Variants in ZC3H12B observed in about 807,000 individuals in gnomAD.
ZC3H12B encodes probable ribonuclease ZC3H12B.
Under a neutral mutation model 43.9 loss-of-function variants are expected in ZC3H12B, and 7 were observed. That is an observed-to-expected ratio of 0.16 (90% CI 0.09 to 0.30). The LOEUF (loss-of-function observed/expected upper bound fraction) is 0.30, where lower values mean the gene tolerates loss of function less well. Ranked by LOEUF, ZC3H12B falls within the 10% of genes least tolerant of loss-of-function variation. The pLI, the probability that ZC3H12B is intolerant of heterozygous loss-of-function variation, is 1.00. For synonymous variants in ZC3H12B, 222 were observed against 241.7 expected (o/e 0.92, Z 0.76); for missense variants, 475 against 670.2 (o/e 0.71, Z 3.22).
chrX:65,312,626 G>A, the ZC3H12B span, among the ~76,000 whole-genome samples: 1 of 111,550 alleles, frequency 9.0e-6, no homozygotes, highest in South Asian at 3.7e-4. Flanking sequence ...TAGTTTATAA[G>A]GAACAAAAAT....
At chrX:65,139,325 A>T in the ZC3H12B span, among the ~76,000 whole-genome samples, 2 of 112,282 alleles carry the variant, frequency 1.8e-5, no homozygotes, top group Admixed American at 1.9e-4. Context: ...AATTTTGCCC[A>T]CACCATTTAT....
the ZC3H12B span, among the ~76,000 whole-genome samples, chrX:65,316,840 GCA>G: frequency 9.0e-6 from 1 of 111,550 alleles, no homozygotes; most frequent in Non-Finnish European, 1.9e-5. Context: ...GAATTAAAAG[GCA>G]CAGTGTGGAA....
the ZC3H12B span, among the ~76,000 whole-genome samples, chrX:65,117,867 G>A: frequency 9.0e-6 from 1 of 111,374 alleles, no homozygotes; most frequent in Non-Finnish European, 1.9e-5. Context: ...AGATCAGATG[G>A]TTCTAGATGT....
the ZC3H12B span, among the ~76,000 whole-genome samples, chrX:65,292,444 T>C: frequency 9.1e-6 from 1 of 109,992 alleles, no homozygotes; most frequent in Non-Finnish European, 1.9e-5. Context: ...CATGGATACA[T>C]AGAGGGAAGC....
At chrX:65,177,627 C>T in the ZC3H12B span, among the ~76,000 whole-genome samples, 1 of 112,000 alleles carries the variant, frequency 8.9e-6, no homozygotes, top group African/African-American at 3.2e-5. Flanking sequence ...CATTCCTATA[C>T]ACCAGTAATA....
At chrX:65,288,016 A>C in the ZC3H12B span, among the ~76,000 whole-genome samples, 1 of 101,008 alleles carries the variant, frequency 9.9e-6, no homozygotes, top group African/African-American at 4.5e-5. Flanking sequence ...ATATCACCAG[A>C]GACTATTATG....
the ZC3H12B span, among the ~76,000 whole-genome samples, chrX:65,068,645 A>T: frequency 6.3e-5 from 7 of 111,719 alleles, no homozygotes; most frequent in Non-Finnish European, 1.3e-4. Flanking sequence ...TTAATATAAG[A>T]GTAGTTTACA....
At chrX:65,348,627 C>T in the ZC3H12B span, among the ~76,000 whole-genome samples, 33 of 98,257 alleles carry the variant, frequency 3.4e-4, no homozygotes, top group South Asian at 0.016. Context: ...CATCGACATG[C>T]AAAGACACAC....
At chrX:65,403,334 C>T (rs1423668264) in intron 3 of ZC3H12B, among the ~76,000 whole-genome samples, 1 of 111,194 alleles carries the variant, frequency 9.0e-6, no homozygotes, top group Non-Finnish European at 1.9e-5. Flanking sequence ...ATCTAGAAAA[C>T]AGCCTCAAAA....
At chrX:65,072,900 C>T in the ZC3H12B span, among the ~76,000 whole-genome samples, 3 of 112,500 alleles carry the variant, frequency 2.7e-5, no homozygotes, top group East Asian at 8.4e-4. Flanking sequence ...CCTGGTCATG[C>T]CAGTGTTGGT....
At chrX:65,273,904 G>C in the ZC3H12B span, among the ~76,000 whole-genome samples, 1 of 112,473 alleles carries the variant, frequency 8.9e-6, no homozygotes, top group Non-Finnish European at 1.9e-5. Flanking sequence ...GCTGACTAGA[G>C]ATGCCTTGTA....
chrX:65,334,134 G>C, the ZC3H12B span, among the ~76,000 whole-genome samples: 3 of 112,071 alleles, frequency 2.7e-5, no homozygotes, highest in Non-Finnish European at 5.6e-5. Flanking sequence ...TAATCAGTAT[G>C]ACTGTAGTTA....
At chrX:65,050,683 G>T in the ZC3H12B span, among the ~76,000 whole-genome samples, 9 of 111,190 alleles carry the variant, frequency 8.1e-5, no homozygotes, top group Non-Finnish European at 1.5e-4. Flanking sequence ...GATGACCATG[G>T]AATTTTTATT....
intron 3 of ZC3H12B, among the ~76,000 whole-genome samples, chrX:65,429,473 G>A (rs778157323): frequency 1.8e-5 from 2 of 112,763 alleles, no homozygotes; most frequent in South Asian, 3.7e-4. Flanking sequence ...CTGTCTGGGA[G>A]GTTCCAACCG....
chrX:65,486,877 C>T (rs2068129853), upstream of ZC3H12B, among the ~76,000 whole-genome samples: 1 of 112,069 alleles, frequency 8.9e-6, no homozygotes, highest in Non-Finnish European at 1.9e-5. Context: ...CTCCCATTTG[C>T]CAAGAAAATA....
At chrX:65,215,317 A>C in the ZC3H12B span, among the ~76,000 whole-genome samples, 20 of 111,742 alleles carry the variant, frequency 1.8e-4, no homozygotes, top group Admixed American at 5.7e-4. Flanking sequence ...CAGCTTATTC[A>C]AATAGAAGAC....
rs374042825 is a variant in ZC3H12B, at chrX:65,502,776, G to A, written c.2078G>A (p.Gly693Asp). 10 of 1,206,922 alleles carry A rather than the reference G, an allele frequency of 8.3e-6. No individual in the cohort carries two copies. The African/African-American group carries it at 1.8e-4, about 21-fold the overall frequency. The change falls in exon 5 of 5, where the codon GGC (glycine) becomes GAC (aspartate). Residue 693 changes from glycine to aspartate, a missense_variant. By Grantham distance (94) the Gly-to-Asp change is moderately conservative. Coordinates refer to ENST00000338957, the Ensembl canonical transcript of ZC3H12B. The stretch of plus-strand genomic sequence containing the variant: ...CATCCTGGGGCAACCCCCCAGCCAG[G>A]CCGTGCCCTGGTGATGACTCGGATG...
exon 5 of ZC3H12B, chrX:65,505,823 C>G (rs2068420094): frequency 8.9e-6 from 1 of 112,686 alleles, no homozygotes; most frequent in Admixed American, 9.5e-5. Flanking sequence ...CCTCCCAATA[C>G]AGAAAATATT....
At chrX:65,369,390 G>A (rs895688259) in intron 2 of ZC3H12B, among the ~76,000 whole-genome samples, 2 of 111,607 alleles carry the variant, frequency 1.8e-5, no homozygotes, top group Middle Eastern at 4.3e-3. Flanking sequence ...ATCTTAAGCA[G>A]GTTATTTGAC....
Sources: gnomAD v4.1 joint callset for allele counts (sites outside exome capture counted in the v4.1 genomes callset) on GRCh38, gnomAD v4.1.1 for gene constraint, MANE v1.5 for transcripts, NCBI Gene and HGNC (gene_info 2026-07-23, HGNC 2026-07-21) for gene names.